RABGGTA: variants seen among roughly 807,000 people sequenced by gnomAD.
The protein encoded by RABGGTA is Rab geranylgeranyltransferase subunit alpha.
In RABGGTA, 69 loss-of-function variants were observed where a neutral mutation model predicts 83.3. That is an observed-to-expected ratio of 0.83 (90% CI 0.68 to 1.01). The LOEUF (loss-of-function observed/expected upper bound fraction) is 1.01, where lower values mean the gene tolerates loss of function less well. Ranked by LOEUF, RABGGTA falls within the 50% of genes least tolerant of loss-of-function variation. RABGGTA has a pLI of 0.00. For synonymous variants in RABGGTA, 310 were observed against 299.8 expected (o/e 1.03, Z -0.35); for missense variants, 681 against 712.7 (o/e 0.96, Z 0.51).
At chr14:24,270,575 T>A (rs992495700) in intron 3 of RABGGTA, 117 bp from the exon 4 acceptor site, 5 of 1,356,158 alleles carry the variant, frequency 3.7e-6, no homozygotes, top group Middle Eastern at 3.6e-4. Context: ...ACAGGTACTA[T>A]GAACCATGCT....
intron 11 of RABGGTA, 71 bp downstream of exon 11, chr14:24,268,298 C>T: frequency 6.2e-7 from 1 of 1,610,296 alleles, no homozygotes; most frequent in Non-Finnish European, 8.5e-7. Context: ...GAGGCCCCAG[C>T]CTCCTGCCCT....
chr14:24,270,867 G>A lies in RABGGTA; in HGVS notation c.84C>T (p.Tyr28=). The A allele has an allele frequency of 6.2e-7, 1 of 1,613,998 alleles. No individual in the cohort carries two copies. The highest frequency in any genetic ancestry group is 8.5e-7 in the Non-Finnish European group (1 of 1,179,874). The change falls in exon 3 of 17, where the codon TAC becomes TAT. Residue 28 remains tyrosine (Y), a synonymous_variant. Transcript: ENST00000216840. ...GGAATACGGCCTGGGTGGCTGACTGGTATAGCTTCAGCTTCTGCTCTCGCT... is the reference window on the plus strand; with the variant it reads ...GGAATACGGCCTGGGTGGCTGACTGATATAGCTTCAGCTTCTGCTCTCGCT... The part of the protein sequence containing the change: ...RLEREQKLKL[Y]QSATQAVFQK...
chr14:24,267,427 T>C (rs1490375841), intron 14 of RABGGTA, among the ~76,000 whole-genome samples: 2 of 152,030 alleles, frequency 1.3e-5, no homozygotes, highest in South Asian at 2.1e-4. Flanking sequence ...GTGACCAGCC[T>C]GGGGAAGAAA....
chr14:24,269,348 G>A (rs2040915166), intron 6 of RABGGTA, 143 bp downstream of exon 6: 1 of 1,126,092 alleles, frequency 8.9e-7, no homozygotes. Flanking sequence ...CTTCAGCCAG[G>A]GACTGATTCT....
chr14:24,266,715 C>T (rs935800457), intron 15 of RABGGTA, 61 bp downstream of exon 15: 18 of 1,475,604 alleles, frequency 1.2e-5, no homozygotes, highest in Non-Finnish European at 1.7e-5. Context: ...GGGCAGACTT[C>T]TGAGGGAGAG....
intron 3 of RABGGTA, 74 bp from the exon 4 acceptor site, chr14:24,270,532 C>A (rs1030833255): frequency 6.4e-7 from 1 of 1,562,150 alleles, no homozygotes. Context: ...AAACTTAAAA[C>A]CATCCAATAT....
chr14:24,266,730 AG>A, intron 15 of RABGGTA, 45 bp downstream of exon 15: 6 of 1,524,950 alleles, frequency 3.9e-6, no homozygotes, highest in Non-Finnish European at 5.5e-6. Context: ...GGAGAGGAAG[AG>A]GAAAAGAACC....
Position 24,270,345 on chromosome 14 carries a change from C to A in RABGGTA, c.228G>T (p.Leu76=). 6.2e-7 allele frequency: 1 copy of A among 1,610,606 alleles called. No individual in the cohort carries two copies. The highest frequency in any genetic ancestry group is 1.1e-5 in the South Asian group (1 of 90,520). ...WNCRREVLQQ[L]ETQKSPEELA... Reference sequence around the variant, plus strand: ...GAATCCCTACGCACTTCTGAGTCTCCAGCTGCTGGAGCACCTCTCGTCGGC... The same window carrying A: ...GAATCCCTACGCACTTCTGAGTCTCAAGCTGCTGGAGCACCTCTCGTCGGC... The change falls in exon 4 of 17, where the codon CTG becomes CTT. Residue 76 remains leucine (L), a synonymous_variant. Coordinates refer to ENST00000216840, the MANE Select transcript of RABGGTA (RefSeq NM_182836.3).
In RABGGTA at chr14:24,267,682, C is replaced by A. The variant is rs150090740; in HGVS notation, c.1331G>T (p.Arg444Leu). 6.2e-7 allele frequency: 1 copy of A among 1,611,424 alleles called. No individual in the cohort carries two copies. The highest frequency in any genetic ancestry group is 1.3e-5 in the African/African-American group (1 of 74,822). ...TACCTTGTGAGCCAGGTGCAGCACA[C>A]GCACCTCGGCATACTCCATCTTGAG... ...SVLKMEYAEV[R>L]VLHLAHKDLT... The change falls in exon 14 of 17, where the codon CGT (arginine) becomes CTT (leucine). Residue 444 changes from arginine to leucine, a missense_variant. Around this residue, in one of 5 missense-constraint regions of RABGGTA, gnomAD observed 421 missense variants for 418.5 expected, o/e 1.01. Coordinates refer to ENST00000216840, the MANE Select transcript of RABGGTA (RefSeq NM_182836.3).
intron 14 of RABGGTA, 149 bp from the exon 15 acceptor site, chr14:24,267,038 T>G (rs560245502): frequency 1.5e-6 from 1 of 646,406 alleles, no homozygotes; most frequent in South Asian, 1.8e-5. Flanking sequence ...TGTGGGAAGC[T>G]GACCTTACAG....
In RABGGTA at chr14:24,266,424, G is replaced by A. The variant is rs748475374; in HGVS notation, c.1555+6C>T. The A allele has an allele frequency of 1.1e-5, 17 of 1,613,876 alleles. No homozygotes were observed. Among genetic ancestry groups the A allele is most frequent in the Non-Finnish European group, 1.4e-5 (17 of 1,179,768 alleles). On this transcript the variant is annotated splice_donor_region_variant and intron_variant, in intron 16 of 16. Coordinates refer to ENST00000216840, the MANE Select transcript of RABGGTA (RefSeq NM_182836.3). ...CTGTCTGAAAGGCACCCAGAAGGAA[G>A]GATACGGTTGTTGCACAGTAGCAGC...
chr14:24,269,254 C>T (rs1485088324), intron 6 of RABGGTA, 91 bp from the exon 7 acceptor site: 10 of 1,269,910 alleles, frequency 7.9e-6, no homozygotes, highest in African/African-American at 4.5e-5. Flanking sequence ...GGAGTACTTC[C>T]AGCCCCCAGT....
chr14:24,267,484 A>C (rs1594580426), intron 14 of RABGGTA, among the ~76,000 whole-genome samples, 176 bp downstream of exon 14: 1 of 152,016 alleles, frequency 6.6e-6, no homozygotes, highest in African/African-American at 2.4e-5. Flanking sequence ...GTGAGTGGCA[A>C]GAAGAAGAAT....
intron 8 of RABGGTA, 29 bp from the exon 9 acceptor site, chr14:24,268,855 C>T (rs1238949423): frequency 6.4e-7 from 1 of 1,565,758 alleles, no homozygotes; most frequent in East Asian, 2.4e-5. Flanking sequence ...ACTTCAGCCC[C>T]ATCAGCACCA....
rs1308641775 is a variant in RABGGTA, at chr14:24,265,581, T to C, written c.*34A>G. On this transcript the variant is annotated 3_prime_UTR_variant, in exon 17 of 17. Coordinates refer to ENST00000216840, the MANE Select transcript of RABGGTA (RefSeq NM_182836.3). ...CTCTCCATTCTTTATTCAGTCCCAA[T>C]AAGTTAAAGGGCAAGGGTAGGGGGC... 2 of 1,603,020 alleles carry C rather than the reference T, an allele frequency of 1.2e-6. No individual in the cohort carries two copies. The highest frequency in any genetic ancestry group is 1.7e-6 in the Non-Finnish European group (2 of 1,172,980).
chr14:24,269,995 G>A lies in RABGGTA; in HGVS notation c.385C>T (p.Leu129=), dbSNP rs117588776. 6.2e-7 allele frequency: 1 copy of A among 1,613,604 alleles called. No homozygotes were observed. The highest frequency in any genetic ancestry group is 8.5e-7 in the Non-Finnish European group (1 of 1,179,808). ...TCCAGGAAACGGGCACAGAGCTCCA[G>A]CTCTCGGGTCCAGTTGGGCTCAGGC... ...RLPEPNWTRE[L]ELCARFLEVD... Residue 129 remains leucine, a synonymous_variant, in exon 5 of 17, where the codon CTG becomes TTG. Coordinates refer to ENST00000216840, the MANE Select transcript of RABGGTA (RefSeq NM_182836.3).
intron 5 of RABGGTA, 105 bp downstream of exon 5, chr14:24,269,848 G>A: frequency 1.4e-6 from 2 of 1,468,986 alleles, no homozygotes; most frequent in Non-Finnish European, 1.9e-6. Context: ...CACCAGCTCA[G>A]TGGACCCATC....
chr14:24,270,894 T>C lies in RABGGTA; in HGVS notation c.57A>G (p.Leu19=). 6.2e-7 allele frequency: 1 copy of C among 1,614,070 alleles called. No individual in the cohort carries two copies. The highest frequency in any genetic ancestry group is 1.1e-5 in the South Asian group (1 of 91,080). Residue 19 remains leucine (L), a synonymous_variant, in exon 3 of 17, where the codon CTA becomes CTG. Coordinates refer to ENST00000216840, the MANE Select transcript of RABGGTA (RefSeq NM_182836.3). ...TSEEQAEAKR[L]EREQKLKLYQ... ...ATAGCTTCAGCTTCTGCTCTCGCTC[T>C]AGCCTTTTGGCCTCCGCCTGCTCTT...
In RABGGTA at chr14:24,270,457, C is replaced by A. The variant is rs567781706; in HGVS notation, c.116G>T (p.Arg39Leu). 6.2e-7 allele frequency: 1 copy of A among 1,613,926 alleles called. No homozygotes were observed. The highest frequency in any genetic ancestry group is 8.5e-7 in the Non-Finnish European group (1 of 1,179,902). The change falls in exon 4 of 17, where the codon CGC becomes CTC. Residue 39 changes from arginine (R) to leucine (L), a missense_variant and splice_region_variant. By Grantham distance (102) the Arg-to-Leu change is moderately radical. This residue lies in a region of RABGGTA where 115 missense variants were observed against 111.5 expected (regional missense o/e 1.03). Coordinates refer to ENST00000216840, the MANE Select transcript of RABGGTA (RefSeq NM_182836.3). ...QSATQAVFQK[R>L]QAGELDESVL... ...GGACTCATCCAGCTCACCAGCCTGG[C>A]GCTAAGAAGATAGGTGGCAGGGTTA...
Sources: gnomAD v4.1 joint callset for allele counts (sites outside exome capture counted in the v4.1 genomes callset) on GRCh38, gnomAD v4.1.1 for gene constraint, gnomAD v4.1.1 regional missense constraint, MANE v1.5 for transcripts, NCBI Gene and HGNC (gene_info 2026-07-23, HGNC 2026-07-21) for gene names.